LHFPL3: variants seen among roughly 807,000 people sequenced by gnomAD.
LHFPL3 encodes LHFPL tetraspan subfamily member 3.
In LHFPL3, 5 loss-of-function variants were observed where a neutral mutation model predicts 19.3. The observed-to-expected ratio is 0.26, with a 90% CI of 0.14 to 0.54. LHFPL3 has a LOEUF of 0.54. Among genes scored for constraint, LHFPL3 ranks in the 20% least tolerant of loss-of-function variants. The pLI is 0.94. For missense variants in LHFPL3, 249 were observed against 307.4 expected (o/e 0.81, Z 1.42); for synonymous variants, 133 against 126.2 (o/e 1.05, Z -0.36).
At chr7:104,392,012 T>C (rs1190091445) in intron 1 of LHFPL3, among the ~76,000 whole-genome samples, 3 of 152,202 alleles carry the variant, frequency 2.0e-5, no homozygotes, top group Admixed American at 6.5e-5. Flanking sequence ...ATAGGAATGC[T>C]TGCGATTTTT....
chr7:104,789,215 C>G (rs1390959947), intron 2 of LHFPL3, among the ~76,000 whole-genome samples: 1 of 152,150 alleles, frequency 6.6e-6, no homozygotes, highest in Non-Finnish European at 1.5e-5. Context: ...AATAGCCAGC[C>G]TGAACTGTTT....
intron 1 of LHFPL3, among the ~76,000 whole-genome samples, chr7:104,415,842 C>T (rs1443860887): frequency 6.6e-6 from 1 of 152,172 alleles, no homozygotes; most frequent in Non-Finnish European, 1.5e-5. Context: ...TAGTTGGCTA[C>T]AGAGTCCAGA....
intron 1 of LHFPL3, among the ~76,000 whole-genome samples, chr7:104,580,156 T>G (rs73715129): frequency 2.0e-5 from 3 of 152,022 alleles, no homozygotes; most frequent in Non-Finnish European, 4.4e-5. Flanking sequence ...TTTCTGAGAA[T>G]GTTTTCATGC....
At chr7:104,458,315 G>A (rs181930999) in intron 1 of LHFPL3, among the ~76,000 whole-genome samples, 5,146 of 152,234 alleles carry the variant, frequency 0.034, 255 homozygotes, top group East Asian at 0.13. Context: ...AAGGGATCCA[G>A]TTTCAGCTTT....
At chr7:104,493,708 C>CT (rs1030225775) in intron 1 of LHFPL3, among the ~76,000 whole-genome samples, 67 of 145,912 alleles carry the variant, frequency 4.6e-4, no homozygotes, top group African/African-American at 7.0e-4. Context: ...TAATTCTTGT[C>CT]TTTTTTTTTT....
chr7:104,632,148 A>G (rs1024648349), intron 1 of LHFPL3, among the ~76,000 whole-genome samples: 1 of 152,174 alleles, frequency 6.6e-6, no homozygotes, highest in African/African-American at 2.4e-5. Context: ...CAACCTTCAT[A>G]TTTAGCCTAT....
rs547183675 is a variant in LHFPL3, at chr7:104,622,588, A to G, written c.446-114087A>G. Reference sequence around the variant, plus strand: ...ATCCCCCCCAAAAATCCTCATACCCATTAGCAATCACTTCCCCTTTCTTCT... The same window carrying G: ...ATCCCCCCCAAAAATCCTCATACCCGTTAGCAATCACTTCCCCTTTCTTCT... On this transcript the variant is annotated intron_variant, in intron 1 of 2. Coordinates refer to ENST00000424859, the MANE Select transcript of LHFPL3 (RefSeq NM_199000.3). 2.4e-3 allele frequency among the ~76,000 whole-genome samples: 368 copies of G among 152,246 alleles called. 3 individuals carry two copies. Among genetic ancestry groups the G allele is most frequent in the Non-Finnish European group, 3.2e-3 (217 of 68,004 alleles).
chr7:104,511,338 T>C (rs1454029553), intron 1 of LHFPL3, among the ~76,000 whole-genome samples: 2 of 152,158 alleles, frequency 1.3e-5, no homozygotes, highest in Non-Finnish European at 2.9e-5. Flanking sequence ...GTGGAGAAAC[T>C]TAATCACTCA....
intron 1 of LHFPL3, 129 bp from the exon 2 acceptor site, chr7:104,736,546 A>G (rs1387059205): frequency 1.5e-6 from 1 of 657,838 alleles, no homozygotes; most frequent in Non-Finnish European, 2.6e-6. Flanking sequence ...GACAGTGGTG[A>G]GATTTGCTGT....
At position 104,811,231 on chromosome 7, in the gene LHFPL3, G is replaced by C. The variant is rs114332389; in HGVS notation, c.682+74320G>C. 8.7e-3 allele frequency among the ~76,000 whole-genome samples: 1,289 copies of C among 148,404 alleles called. 13 individuals are homozygous for C. Among genetic ancestry groups the C allele is most frequent in the African/African-American group, 0.03 (1,211 of 39,940 alleles). On this transcript the variant is annotated intron_variant, in intron 2 of 2. Transcript: ENST00000424859. ...TTTCTTTGACACAGGGTCTCCCTCT[G>C]TCTCCCAGGAGGGAGTGCAGTGGCG...
At chr7:104,781,920 A>G (rs1432476084) in intron 2 of LHFPL3, among the ~76,000 whole-genome samples, 2 of 152,048 alleles carry the variant, frequency 1.3e-5, no homozygotes, top group East Asian at 3.9e-4. Flanking sequence ...TTAAATATTC[A>G]TGTTCTTTGT....
chr7:104,899,169 T>C (rs1252348194), intron 2 of LHFPL3, among the ~76,000 whole-genome samples: 2 of 152,112 alleles, frequency 1.3e-5, no homozygotes, highest in Admixed American at 6.6e-5. Context: ...TTATACTTTC[T>C]GTTATAAACA....
chr7:104,474,384 G>T (rs1193944663), intron 1 of LHFPL3, among the ~76,000 whole-genome samples: 2 of 151,824 alleles, frequency 1.3e-5, no homozygotes, highest in African/African-American at 4.8e-5. Flanking sequence ...AAGGGTCTTG[G>T]CCGGGTGCGG....
intron 1 of LHFPL3, among the ~76,000 whole-genome samples, chr7:104,710,751 C>T (rs1327585565): frequency 1.3e-5 from 2 of 152,182 alleles, no homozygotes; most frequent in African/African-American, 2.4e-5. Context: ...GCACTTGGCA[C>T]ATAATAAATG....
chr7:104,636,899 C>G (rs562707654), intron 1 of LHFPL3, among the ~76,000 whole-genome samples: 1 of 152,124 alleles, frequency 6.6e-6, no homozygotes, highest in South Asian at 2.1e-4. Flanking sequence ...GGGTATATAC[C>G]CTGTAATTGG....
At position 104,708,000 on chromosome 7, in the gene LHFPL3, G is replaced by A. The variant is rs549486610; in HGVS notation, c.446-28675G>A. On this transcript the variant is annotated intron_variant, in intron 1 of 2. Transcript: ENST00000424859. ...GAGGCCAAAGACCTAGAATACATCAGCAGTCAAGAACAGGTGAGGGGAGAC... is the reference window on the plus strand; with the variant it reads ...GAGGCCAAAGACCTAGAATACATCAACAGTCAAGAACAGGTGAGGGGAGAC... Among the ~76,000 whole-genome samples, 3 of 152,358 alleles carry A rather than the reference G, an allele frequency of 2.0e-5. No individual in the cohort carries two copies. The East Asian group carries it at 5.8e-4, about 29-fold the overall frequency.
chr7:104,353,741 C>G (rs1368682497), intron 1 of LHFPL3, among the ~76,000 whole-genome samples: 2 of 152,202 alleles, frequency 1.3e-5, no homozygotes, highest in Non-Finnish European at 2.9e-5. Context: ...TTTAAGGAGC[C>G]TTGGAATATA....
At chr7:104,590,026 C>T (rs555783070) in intron 1 of LHFPL3, among the ~76,000 whole-genome samples, 17 of 152,120 alleles carry the variant, frequency 1.1e-4, no homozygotes, top group East Asian at 5.8e-4. Context: ...GTCTTGCTAG[C>T]GGTCTATCAA....
chr7:104,382,262 G>C (rs954936357), intron 1 of LHFPL3, among the ~76,000 whole-genome samples: 7 of 152,124 alleles, frequency 4.6e-5, no homozygotes, highest in Non-Finnish European at 5.9e-5. Flanking sequence ...AGAAACTCTG[G>C]GGATGTGGTC....
Sources: gnomAD v4.1 joint callset for allele counts (sites outside exome capture counted in the v4.1 genomes callset) on GRCh38, gnomAD v4.1.1 for gene constraint, MANE v1.5 for transcripts, NCBI Gene and HGNC (gene_info 2026-07-23, HGNC 2026-07-21) for gene names.